SV2C: variants seen among roughly 807,000 people sequenced by gnomAD.
SV2C encodes the protein solute carrier family 22 member B3.
In SV2C, 49 loss-of-function variants were observed where a neutral mutation model predicts 79.7. The ratio of observed to expected loss-of-function variants is 0.61; its 90% CI spans 0.49 to 0.78. The LOEUF is 0.78. SV2C is among the 30% of genes least tolerant of loss of function. SV2C has a pLI of 0.00. For missense variants in SV2C, 833 were observed against 912.9 expected, an observed-to-expected ratio of 0.91 and a Z score of 1.13; for synonymous variants, 334 against 333.2, an observed-to-expected ratio of 1.00 and a Z score of -0.03.
chr5:75,921,547 G>C, the SV2C span: 3 of 842,414 alleles, frequency 3.6e-6, no homozygotes, highest in African/African-American at 3.3e-5. Flanking sequence ...TTGAAGGCAT[G>C]GTCTTGGGGT....
In SV2C at chr5:76,325,456, C is replaced by T; in HGVS notation, c.2093C>T (p.Ser698Leu). The T allele has an allele frequency of 6.2e-7, 1 of 1,614,194 alleles. No individual in the cohort carries two copies. The highest frequency in any genetic ancestry group is 8.5e-7 in the Non-Finnish European group (1 of 1,180,040). The change falls in exon 13 of 13, where the codon TCA becomes TTA. Residue 698 changes from serine to leucine, a missense_variant. Coordinates refer to ENST00000502798, the MANE Select transcript of SV2C (RefSeq NM_014979.4). Reference protein sequence around the residue: ...IFGSLVSITKSIPILLASTVL... With the variant: ...IFGSLVSITKLIPILLASTVL... ...GGCTCTCTGGTCAGCATCACCAAATCAATCCCCATCCTGCTGGCTTCTACT... is the reference window on the plus strand; with the variant it reads ...GGCTCTCTGGTCAGCATCACCAAATTAATCCCCATCCTGCTGGCTTCTACT...
chr5:76,040,259 T>C, the SV2C span, among the ~76,000 whole-genome samples: 14 of 152,202 alleles, frequency 9.2e-5, no homozygotes, highest in Non-Finnish European at 1.5e-5. Context: ...GAGCATTAAA[T>C]TGAACTCTGA....
At chr5:76,126,654 G>T (rs1255563368) in intron 1 of SV2C, among the ~76,000 whole-genome samples, 1 of 152,108 alleles carries the variant, frequency 6.6e-6, no homozygotes, top group African/African-American at 2.4e-5. Context: ...AGAGGAAGAG[G>T]GATGTTATGA....
intron 2 of SV2C, among the ~76,000 whole-genome samples, chr5:76,161,333 C>A (rs774471365): frequency 3.7e-4 from 57 of 152,224 alleles, no homozygotes; most frequent in Admixed American, 9.2e-4. Flanking sequence ...GCTATTGAGA[C>A]AGAAAGTAGA....
intron 4 of SV2C, chr5:76,241,990 C>A: frequency 1.9e-6 from 2 of 1,078,996 alleles, no homozygotes; most frequent in Non-Finnish European, 2.8e-6. Flanking sequence ...TGTACAGTCA[C>A]CAGAAGTACA....
chr5:75,852,825 C>CAAAAAAA, the SV2C span, among the ~76,000 whole-genome samples: 34 of 80,550 alleles, frequency 4.2e-4, no homozygotes, highest in South Asian at 1.1e-3. Flanking sequence ...GACTCCGTCT[C>CAAAAAAA]AAAAAAAAAA....
chr5:76,342,406 C>G (rs1321054046), intron 12 of SV2C, among the ~76,000 whole-genome samples: 3 of 152,182 alleles, frequency 2.0e-5, no homozygotes. Context: ...GACCAAAGAG[C>G]AACTGTTCAC....
At chr5:76,317,026 A>G (rs1305713555) in intron 12 of SV2C, among the ~76,000 whole-genome samples, 2 of 150,518 alleles carry the variant, frequency 1.3e-5, no homozygotes, top group Non-Finnish European at 3.0e-5. Flanking sequence ...TTAATGAATG[A>G]TTATATGAAT....
intron 12 of SV2C, among the ~76,000 whole-genome samples, chr5:76,309,806 T>C (rs1280532756): frequency 6.6e-6 from 1 of 152,026 alleles, no homozygotes; most frequent in Non-Finnish European, 1.5e-5. Context: ...TGAATGGAGA[T>C]GGCAGGTTTT....
At chr5:75,940,137 G>A in the SV2C span, among the ~76,000 whole-genome samples, 1 of 152,072 alleles carries the variant, frequency 6.6e-6, no homozygotes, top group Non-Finnish European at 1.5e-5. Flanking sequence ...TATACAATGG[G>A]CATTTTATGT....
In SV2C at chr5:76,349,320, T is replaced by A. The variant is rs543516391; in HGVS notation, c.2001-3810T>A. On this transcript the variant is annotated intron_variant, in intron 12 of 12. Coordinates refer to the SV2C transcript ENST00000322285. ...TGAGGTTAGGAGTTCGAGACCAGGC[T>A]GGCCAACATAGCAAAATCCCTGTCT... Among the ~76,000 whole-genome samples the A allele has an allele frequency of 3.3e-5, 5 of 152,308 alleles. No homozygotes were observed. The South Asian group carries it at 1.0e-3, about 32-fold the overall frequency.
intron 1 of SV2C, among the ~76,000 whole-genome samples, chr5:76,112,784 T>G (rs1182904314): frequency 6.6e-6 from 1 of 152,254 alleles, no homozygotes; most frequent in Non-Finnish European, 1.5e-5. Flanking sequence ...TAATGAATTT[T>G]GGAAAATACT....
chr5:75,865,727 G>T, the SV2C span, among the ~76,000 whole-genome samples: 1 of 152,210 alleles, frequency 6.6e-6, no homozygotes, highest in Non-Finnish European at 1.5e-5. Context: ...CCAACAAATG[G>T]GAGTCAGTCA....
the SV2C span, among the ~76,000 whole-genome samples, chr5:75,961,886 G>A: frequency 8.5e-5 from 13 of 152,176 alleles, no homozygotes; most frequent in Admixed American, 8.5e-4. Context: ...ACATAGAAAT[G>A]TAAGAAAGGG....
chr5:75,897,432 T>C, the SV2C span, among the ~76,000 whole-genome samples: 1 of 151,666 alleles, frequency 6.6e-6, no homozygotes, highest in Non-Finnish European at 1.5e-5. Context: ...TCTATATCTC[T>C]GTTTTAGTAC....
In SV2C at chr5:76,131,873, C is replaced by A; in HGVS notation, c.123C>A (p.Tyr41Ter). Reference protein sequence around the residue: ...NQAVDRAQDEYTQRSYSRFQD... With the variant: ...NQAVDRAQDE ...CTGTGGACCGAGCCCAGGATGAATA[C>A]ACCCAGAGGTCCTACAGTCGGTTCC... Residue 41 changes from tyrosine (Y) to a stop codon, truncating the protein, a stop_gained, in exon 2 of 13, where the codon TAC becomes TAA. Transcript: ENST00000502798. LOFTEE classifies it high-confidence loss of function. The A allele has an allele frequency of 6.2e-7, 1 of 1,614,084 alleles. No homozygotes were observed. The highest frequency in any genetic ancestry group is 1.3e-5 in the African/African-American group (1 of 75,024).
intron 2 of SV2C, chr5:76,174,086 T>C: frequency 1.9e-6 from 3 of 1,576,834 alleles, no homozygotes; most frequent in South Asian, 2.2e-5. Flanking sequence ...TATCGTAGGA[T>C]CGTATTTTTC....
chr5:76,135,404 C>T (rs901779365), intron 2 of SV2C, among the ~76,000 whole-genome samples: 6 of 152,008 alleles, frequency 3.9e-5, no homozygotes, highest in Admixed American at 2.0e-4. Context: ...AATGGTTTCC[C>T]GCTGAATACT....
the SV2C span, among the ~76,000 whole-genome samples, chr5:75,882,535 C>G: frequency 1.3e-5 from 2 of 152,094 alleles, no homozygotes; most frequent in Admixed American, 6.6e-5. Context: ...CAGCATGGTA[C>G]TGGTACCAAA....
Sources: gnomAD v4.1 joint callset for allele counts (sites outside exome capture counted in the v4.1 genomes callset) on GRCh38, gnomAD v4.1.1 for gene constraint, MANE v1.5 for transcripts, NCBI Gene and HGNC (gene_info 2026-07-23, HGNC 2026-07-21) for gene names.